Variants in LRTM1 observed in about 807,000 individuals in gnomAD.
LRTM1 encodes leucine rich repeat transmembrane protein 1, also known as leucine-rich repeat and transmembrane domain-containing protein 1.
A neutral mutation model predicts 32.4 loss-of-function variants in LRTM1; 38 were observed. The observed-to-expected ratio is 1.17, with a 90% CI of 0.91 to 1.54. LRTM1 has a LOEUF of 1.54. LRTM1 is among the 40% of genes most tolerant of loss of function. The pLI is 0.00. For missense variants in LRTM1, 466 were observed against 415.4 expected (o/e 1.12, Z -1.06); for synonymous variants, 186 against 169.9 (o/e 1.09, Z -0.74).
At chr3:54,929,674 G>T (rs1405062605), upstream of LRTM1, among the ~76,000 whole-genome samples, 1 of 152,270 alleles carries the variant, frequency 6.6e-6, no homozygotes, top group East Asian at 1.9e-4. Context: ...CAAAAGTCAG[G>T]TGTAGGTGAC....
chr3:54,937,533 A>G (rs1225063853), intron 1 of LRTM1, among the ~76,000 whole-genome samples: 1 of 152,196 alleles, frequency 6.6e-6, no homozygotes, highest in Non-Finnish European at 1.5e-5. Flanking sequence ...TGTGCAGTTC[A>G]AACTCGTGTT....
chr3:54,966,610 C>T lies in LRTM1; in HGVS notation c.-222+318G>A, dbSNP rs116147398. On this transcript the variant is annotated intron_variant, in intron 1 of 2. Coordinates refer to the LRTM1 transcript ENST00000493075. Reference sequence around the variant, plus strand: ...GAGGCAGGCAGGTCACTTGAGCCCACGAGTTAGAGATCAGCCTGGCTAACA... The same window carrying T: ...GAGGCAGGCAGGTCACTTGAGCCCATGAGTTAGAGATCAGCCTGGCTAACA... Among the ~76,000 whole-genome samples the T allele has an allele frequency of 9.8e-3, 1,493 of 152,196 alleles. 16 individuals are homozygous for T. Among genetic ancestry groups the T allele is most frequent in the Non-Finnish European group, 0.015 (1,027 of 68,014 alleles).
Position 54,927,127 on chromosome 3 carries a change from T to A in LRTM1, c.7+778A>T, listed in dbSNP as rs150105996. 2.8e-3 allele frequency among the ~76,000 whole-genome samples: 430 copies of A among 152,052 alleles called. 2 individuals are homozygous for A. Among genetic ancestry groups the A allele is most frequent in the African/African-American group, 9.9e-3 (412 of 41,528 alleles). On this transcript the variant is annotated intron_variant, in intron 1 of 2. Transcript: ENST00000273286. ...GAAAGGGGCTTTGTTTGATTGATTG[T>A]TTGCTTGCTTGCTTGTTTTGGGCCT...
intron 2 of LRTM1, among the ~76,000 whole-genome samples, chr3:54,921,089 T>C (rs193136270): frequency 1.7e-4 from 26 of 152,286 alleles, no homozygotes; most frequent in African/African-American, 3.1e-4. Context: ...TGATTACAGC[T>C]TGAGGGTCCC....
intron 1 of LRTM1, among the ~76,000 whole-genome samples, chr3:54,956,749 AC>A (rs1394380878): frequency 6.6e-6 from 1 of 152,142 alleles, no homozygotes; most frequent in Non-Finnish European, 1.5e-5. Context: ...GGAAGACAGA[AC>A]CCATTTGAAT....
intron 1 of LRTM1, among the ~76,000 whole-genome samples, chr3:54,964,562 A>G (rs1702100224): frequency 6.6e-6 from 1 of 152,190 alleles, no homozygotes; most frequent in Non-Finnish European, 1.5e-5. Flanking sequence ...GGGCTTGACA[A>G]ATGTCTCAGG....
At chr3:54,920,743 G>C (rs1700821177) in intron 2 of LRTM1, among the ~76,000 whole-genome samples, 1 of 152,212 alleles carries the variant, frequency 6.6e-6, no homozygotes, top group Non-Finnish European at 1.5e-5. Context: ...AGAGAGCATG[G>C]AGACTTCTAT....
At chr3:54,950,614 G>A (rs1701734140) in intron 1 of LRTM1, among the ~76,000 whole-genome samples, 1 of 152,126 alleles carries the variant, frequency 6.6e-6, no homozygotes, top group Non-Finnish European at 1.5e-5. Flanking sequence ...CAGGAGAGTG[G>A]ACCTGCACAG....
At chr3:54,930,577 C>A (rs1386632146), upstream of LRTM1, among the ~76,000 whole-genome samples, 1 of 152,170 alleles carries the variant, frequency 6.6e-6, no homozygotes, top group Non-Finnish European at 1.5e-5. Flanking sequence ...AAGACCCTGG[C>A]AGAGAACCAA....
At chr3:54,933,558 T>C (rs1252324623) in intron 1 of LRTM1, among the ~76,000 whole-genome samples, 4 of 152,220 alleles carry the variant, frequency 2.6e-5, no homozygotes, top group African/African-American at 9.7e-5. Flanking sequence ...TCTAGCAGTG[T>C]GTCTTGGAAG....
At chr3:54,962,138 G>C (rs771118679) in intron 1 of LRTM1, among the ~76,000 whole-genome samples, 46 of 152,102 alleles carry the variant, frequency 3.0e-4, no homozygotes, top group Admixed American at 5.9e-4. Flanking sequence ...CCTCTTAAAA[G>C]TGCCACCTCT....
intron 1 of LRTM1, among the ~76,000 whole-genome samples, chr3:54,942,023 G>A (rs1701480091): frequency 6.6e-6 from 1 of 152,178 alleles, no homozygotes; most frequent in Admixed American, 6.5e-5. Flanking sequence ...TGGTATTCTT[G>A]GGATCAGTTT....
At chr3:54,960,642 T>G (rs568890234) in intron 1 of LRTM1, among the ~76,000 whole-genome samples, 1 of 152,340 alleles carries the variant, frequency 6.6e-6, no homozygotes, top group African/African-American at 2.4e-5. Flanking sequence ...AGAAAGCTTT[T>G]GAATTTGCCA....
At chr3:54,926,024 G>T (rs938619822) in intron 1 of LRTM1, among the ~76,000 whole-genome samples, 2 of 152,076 alleles carry the variant, frequency 1.3e-5, no homozygotes, top group Non-Finnish European at 2.9e-5. Context: ...GTACTTCCTT[G>T]ATTCTTTTTT....
chr3:54,937,494 G>A (rs1260196551), intron 1 of LRTM1, among the ~76,000 whole-genome samples: 1 of 152,170 alleles, frequency 6.6e-6, no homozygotes, highest in Non-Finnish European at 1.5e-5. Flanking sequence ...CATAAATTAT[G>A]TATTTTCCAA....
chr3:54,958,321 A>G (rs1263854693), intron 1 of LRTM1, among the ~76,000 whole-genome samples: 1 of 152,334 alleles, frequency 6.6e-6, no homozygotes, highest in South Asian at 2.1e-4. Context: ...TGAGCCCAAG[A>G]GTTGGAGGCT....
chr3:54,929,622 CCTT>C (rs72381013), upstream of LRTM1, among the ~76,000 whole-genome samples: 19,835 of 152,118 alleles, frequency 0.13, 1,307 homozygotes, highest in Middle Eastern at 0.16. Context: ...CATCTTTTGT[CCTT>C]CTCTCCAACA....
upstream of LRTM1, among the ~76,000 whole-genome samples, chr3:54,931,803 A>T (rs1448013941): frequency 6.6e-6 from 1 of 152,218 alleles, no homozygotes; most frequent in African/African-American, 2.4e-5. Flanking sequence ...AAAATCAATG[A>T]TTATTAACCC....
chr3:54,926,600 C>T (rs921636867), intron 1 of LRTM1, among the ~76,000 whole-genome samples: 1 of 151,796 alleles, frequency 6.6e-6, no homozygotes, highest in Admixed American at 6.6e-5. Flanking sequence ...ATGTAATCAT[C>T]AATATGTCTC....
Sources: gnomAD v4.1 joint callset for allele counts (sites outside exome capture counted in the v4.1 genomes callset) on GRCh38, gnomAD v4.1.1 for gene constraint, MANE v1.5 for transcripts, NCBI Gene and HGNC (gene_info 2026-07-23, HGNC 2026-07-21) for gene names.